The following DENND1B variants were observed in gnomAD, a reference collection of about 807,000 sequenced individuals.
DENND1B encodes the protein DENN domain-containing protein 1B.
DENND1B carries 59 observed loss-of-function variants against 90.1 expected under a neutral mutation model. The ratio of observed to expected loss-of-function variants is 0.65; its 90% CI spans 0.53 to 0.81. The LOEUF is 0.81. DENND1B is among the 40% of genes least tolerant of loss of function. The probability of loss-of-function intolerance (pLI) is 0.00; values close to 1 mark genes in which losing one functional copy is unlikely to be tolerated. For synonymous variants in DENND1B, 337 were observed against 324.6 expected (o/e 1.04, Z -0.41); for missense variants, 862 against 912.6 (o/e 0.94, Z 0.71).
Position 197,510,229 on chromosome 1 carries a change from T to A in DENND1B, c.*231A>T. On this transcript the variant is annotated 3_prime_UTR_variant, in exon 23 of 23. Coordinates refer to ENST00000620048, the MANE Select transcript of DENND1B (RefSeq NM_001195215.2). ...ACTGGGAAATCTCATGGTCAATACA[T>A]ACTTTAAACATACATACACACTAGT... 1 of 523,100 alleles carries A rather than the reference T, an allele frequency of 1.9e-6. No homozygotes were observed. 32.4% of individuals were successfully genotyped at this position (523,100 alleles called of 1,614,324 possible). A position where few individuals can be genotyped will look rare whatever the true frequency, so the allele number is the denominator to read the frequency against.
chr1:197,700,272 T>C (rs979339291), intron 3 of DENND1B, among the ~76,000 whole-genome samples: 2 of 151,848 alleles, frequency 1.3e-5, no homozygotes, highest in Non-Finnish European at 2.9e-5. Flanking sequence ...AAAACAAACA[T>C]ATAGACCAAT....
At chr1:197,714,693 A>G (rs1291744635) in intron 3 of DENND1B, among the ~76,000 whole-genome samples, 1 of 152,168 alleles carries the variant, frequency 6.6e-6, no homozygotes, top group Non-Finnish European at 1.5e-5. Flanking sequence ...GAGTATATTT[A>G]ACAAAGATTT....
chr1:197,665,771 A>G (rs1169127088), intron 5 of DENND1B, among the ~76,000 whole-genome samples: 1 of 152,160 alleles, frequency 6.6e-6, no homozygotes, highest in African/African-American at 2.4e-5. Flanking sequence ...TTGGATTAAA[A>G]GACAACTTCA....
rs1417493671 is a variant in DENND1B at position 197,509,736 on chromosome 1, C to A, written c.*724G>T. On this transcript the variant is annotated 3_prime_UTR_variant, in exon 23 of 23. Coordinates refer to ENST00000620048, the MANE Select transcript of DENND1B (RefSeq NM_001195215.2). Reference sequence around the variant, plus strand: ...AGACTGAAAACTCGTTAGAGTGTCTCATTTGTAAACAGAAGTCATTAACTT... The same window carrying A: ...AGACTGAAAACTCGTTAGAGTGTCTAATTTGTAAACAGAAGTCATTAACTT... 1 of 151,468 alleles carries A rather than the reference C, an allele frequency of 6.6e-6. No homozygotes were observed. The highest frequency in any genetic ancestry group is 2.1e-4 in the South Asian group (1 of 4,806). The allele number at this position is 151,468 out of a possible 1,614,324, so 9.4% of individuals were successfully genotyped here.
chr1:197,550,675 G>A (rs59643227), intron 16 of DENND1B, among the ~76,000 whole-genome samples: 3 of 6,374 alleles, frequency 4.7e-4, no homozygotes, highest in Non-Finnish European at 1.2e-3. Flanking sequence ...GGTGAGGGGG[G>A]GGGGGAGGGA....
intron 18 of DENND1B, among the ~76,000 whole-genome samples, chr1:197,541,820 T>C (rs537135913): frequency 3.3e-5 from 5 of 152,332 alleles, no homozygotes; most frequent in Non-Finnish European, 7.3e-5. Flanking sequence ...AGTACTACTA[T>C]GATCACATTT....
intron 9 of DENND1B, 85 bp from the exon 10 acceptor site, chr1:197,642,906 G>A (rs193293681): frequency 4.9e-6 from 4 of 820,820 alleles, no homozygotes; most frequent in Non-Finnish European, 7.9e-6. Context: ...AGAAAGTCTT[G>A]AAGTTCAAAG....
At chr1:197,521,177 G>T (rs778610982) in intron 20 of DENND1B, among the ~76,000 whole-genome samples, 7 of 151,938 alleles carry the variant, frequency 4.6e-5, no homozygotes, top group Non-Finnish European at 7.4e-5. Flanking sequence ...TGTCTGAGGA[G>T]ATCTCAAGAA....
chr1:197,669,166 T>C (rs544220555), intron 5 of DENND1B, among the ~76,000 whole-genome samples: 3 of 152,284 alleles, frequency 2.0e-5, no homozygotes, highest in South Asian at 2.1e-4. Context: ...TTAGATTTTA[T>C]TATACTTGTC....
intron 2 of DENND1B, among the ~76,000 whole-genome samples, chr1:197,728,620 T>C (rs1661871746): frequency 6.6e-6 from 1 of 152,170 alleles, no homozygotes; most frequent in Non-Finnish European, 1.5e-5. Flanking sequence ...CGAAATGCAG[T>C]TGTCATCCAT....
chr1:197,678,178 G>T (rs1474554769), intron 3 of DENND1B, among the ~76,000 whole-genome samples: 1 of 152,122 alleles, frequency 6.6e-6, no homozygotes, highest in Non-Finnish European at 1.5e-5. Context: ...CAACCCATTC[G>T]TCTCCCGATA....
At chr1:197,643,432 AG>A (rs1249507791) in intron 9 of DENND1B, among the ~76,000 whole-genome samples, 2 of 152,136 alleles carry the variant, frequency 1.3e-5, no homozygotes, top group African/African-American at 4.8e-5. Flanking sequence ...CTGGGATTAC[AG>A]GCATGAGACA....
intron 2 of DENND1B, among the ~76,000 whole-genome samples, chr1:197,727,765 A>G (rs1395880476): frequency 6.6e-6 from 1 of 152,144 alleles, no homozygotes; most frequent in Non-Finnish European, 1.5e-5. Flanking sequence ...GAAGGATCAC[A>G]AGAGACCTTG....
intron 20 of DENND1B, among the ~76,000 whole-genome samples, chr1:197,528,656 C>T (rs538553690): frequency 2.8e-4 from 42 of 152,070 alleles, no homozygotes; most frequent in Admixed American, 9.2e-4. Context: ...ATCAGGAGAT[C>T]GAGACCATCC....
intron 15 of DENND1B, among the ~76,000 whole-genome samples, chr1:197,561,030 C>G (rs1322042007): frequency 6.6e-6 from 1 of 151,942 alleles, no homozygotes; most frequent in Non-Finnish European, 1.5e-5. Context: ...ACTAACTTCT[C>G]TAACAATTTT....
chr1:197,740,259 G>C (rs907412674), intron 2 of DENND1B, among the ~76,000 whole-genome samples: 4 of 152,124 alleles, frequency 2.6e-5, no homozygotes, highest in Non-Finnish European at 4.4e-5. Flanking sequence ...TTGTTCCAGG[G>C]ATAGCAAGAA....
At chr1:197,623,970 G>A (rs1165290652) in intron 10 of DENND1B, among the ~76,000 whole-genome samples, 1 of 151,554 alleles carries the variant, frequency 6.6e-6, no homozygotes, top group Non-Finnish European at 1.5e-5. Context: ...TTCATGGGTA[G>A]GAAGACTCAA....
At chr1:197,731,668 C>T (rs1000526772) in intron 2 of DENND1B, among the ~76,000 whole-genome samples, 1 of 152,160 alleles carries the variant, frequency 6.6e-6, no homozygotes, top group South Asian at 2.1e-4. Flanking sequence ...AGAATCATCT[C>T]AGGCCCCACA....
chr1:197,576,175 G>A (rs1444462078), intron 15 of DENND1B, among the ~76,000 whole-genome samples: 1 of 152,142 alleles, frequency 6.6e-6, no homozygotes, highest in African/African-American at 2.4e-5. Flanking sequence ...AAGAGGCTAT[G>A]GCGGAATGAC....
Sources: gnomAD v4.1 joint callset for allele counts (sites outside exome capture counted in the v4.1 genomes callset) on GRCh38, gnomAD v4.1.1 for gene constraint, MANE v1.5 for transcripts, NCBI Gene and HGNC (gene_info 2026-07-23, HGNC 2026-07-21) for gene names.